Variants in CAPN2 observed in about 807,000 individuals in gnomAD.
The protein encoded by CAPN2 is calpain-2 catalytic subunit.
In CAPN2, 92 loss-of-function variants were observed where a neutral mutation model predicts 102.3. That is an observed-to-expected ratio of 0.90 (90% CI 0.76 to 1.07). The LOEUF is 1.07. Among genes scored for constraint, CAPN2 ranks in the 50% least tolerant of loss-of-function variants. The pLI is 0.00. For missense variants in CAPN2, 800 were observed against 909.4 expected (o/e 0.88, Z 1.55); for synonymous variants, 340 against 355.4 (o/e 0.96, Z 0.49).
At chr1:223,709,073 C>A (rs1416322798), upstream of CAPN2, among the ~76,000 whole-genome samples, 1 of 151,996 alleles carries the variant, frequency 6.6e-6, no homozygotes, top group African/African-American at 2.4e-5. Flanking sequence ...TGGGAGCTGA[C>A]AGGAAAAGGG....
chr1:223,750,896 A>G lies in CAPN2; in HGVS notation c.820A>G (p.Ser274Gly). 1 of 1,552,048 alleles carries G rather than the reference A, an allele frequency of 6.4e-7. No homozygotes were observed. The highest frequency in any genetic ancestry group is 8.7e-7 in the Non-Finnish European group (1 of 1,147,104). ...CTTTTATCTAATCCTGCAGGTTGAA[A>G]GTAACGGAAGCCTACAGAAACTGAT... is the stretch of plus-strand genomic sequence containing the variant. ...YSVTGAEEVE[S>G]NGSLQKLIRI... is the part of the protein sequence containing the mutation. Residue 274 changes from serine to glycine, a missense_variant, in exon 7 of 21, where the codon AGT becomes GGT. By Grantham distance (56) the Ser-to-Gly change is moderately conservative. Transcript: ENST00000295006.
intron 12 of CAPN2, among the ~76,000 whole-genome samples, chr1:223,760,995 G>T (rs1661169989): frequency 6.6e-6 from 1 of 152,192 alleles, no homozygotes; most frequent in African/African-American, 2.4e-5. Flanking sequence ...CACAGGGGCG[G>T]TGCACAGTAT....
intron 2 of CAPN2, among the ~76,000 whole-genome samples, chr1:223,737,256 G>T (rs1376418070): frequency 6.6e-6 from 1 of 152,138 alleles, no homozygotes; most frequent in East Asian, 1.9e-4. Context: ...TGTGCCAGTT[G>T]AGTGTCTTCC....
chr1:223,770,044 G>A (rs777510860), intron 17 of CAPN2, 135 bp downstream of exon 17: 7 of 797,828 alleles, frequency 8.8e-6, no homozygotes, highest in Non-Finnish European at 1.5e-5. Context: ...GAAGCTCAGA[G>A]TGAGTAAAGA....
At position 223,749,004 on chromosome 1, in the gene CAPN2, G is replaced by A. The variant is rs368131599; in HGVS notation, c.730-35G>A. On this transcript the variant is annotated intron_variant, in intron 5 of 20. Transcript: ENST00000295006. ...AGGGAGTCCGGGAGGAAGGGAGAGCGGGTGCGGCCAGTCTGACGGTTGCTG... is the reference window on the plus strand; with the variant it reads ...AGGGAGTCCGGGAGGAAGGGAGAGCAGGTGCGGCCAGTCTGACGGTTGCTG... 3.2e-6 allele frequency: 5 copies of A among 1,581,022 alleles called. No individual in the cohort carries two copies. The African/African-American group carries it at 5.4e-5, about 17-fold the overall frequency.
chr1:223,707,310 C>T (rs565627953), intron 1 of CAPN2, among the ~76,000 whole-genome samples: 2 of 152,136 alleles, frequency 1.3e-5, no homozygotes, highest in African/African-American at 2.4e-5. Flanking sequence ...CATTTACTCA[C>T]AAGGTCAGTG....
At chr1:223,774,259 A>G (rs978379814) in intron 20 of CAPN2, among the ~76,000 whole-genome samples, 1 of 149,408 alleles carries the variant, frequency 6.7e-6, no homozygotes, top group Non-Finnish European at 1.5e-5. Context: ...TGCCACTCCT[A>G]AGCCTTACCT....
intron 2 of CAPN2, among the ~76,000 whole-genome samples, chr1:223,720,364 G>C (rs575601231): frequency 7.9e-6 from 1 of 127,012 alleles, no homozygotes; most frequent in African/African-American, 3.1e-5. Flanking sequence ...CCCCAGGGCT[G>C]GAGTGCACTG....
chr1:223,712,655 G>A lies in CAPN2; in HGVS notation c.15G>A (p.Ala5=). MAGI[A]AKLAKDREAA... ...GGGACCGCAGCATGGCGGGCATCGC[G>A]GCCAAGCTGGCGAAGGACCGGGAGG... The change falls in exon 1 of 21, where the codon GCG becomes GCA. Residue 5 remains alanine (A), a synonymous_variant. Transcript: ENST00000295006. 6.5e-7 allele frequency: 1 copy of A among 1,533,954 alleles called. No homozygotes were observed. Among genetic ancestry groups the A allele is most frequent in the East Asian group, 2.6e-5 (1 of 38,264 alleles).
chr1:223,724,891 T>C (rs1001299099), intron 2 of CAPN2, among the ~76,000 whole-genome samples: 1 of 152,212 alleles, frequency 6.6e-6, no homozygotes, highest in Non-Finnish European at 1.5e-5. Context: ...GAGGATCACT[T>C]TGAGCCCAGG....
chr1:223,773,374 T>C (rs1661530874), intron 20 of CAPN2: 1 of 152,146 alleles, frequency 6.6e-6, no homozygotes, highest in African/African-American at 2.4e-5. Flanking sequence ...CTGGCCAACA[T>C]GGTGAAACCG....
intron 13 of CAPN2, 63 bp from the exon 14 acceptor site, chr1:223,762,123 G>A (rs1210661923): frequency 4.1e-5 from 58 of 1,408,774 alleles, no homozygotes; most frequent in East Asian, 3.4e-4. Context: ...ATGGAAGGGC[G>A]GGCAGACACT....
rs1279553846 is a variant in CAPN2 at position 223,712,699 on chromosome 1, C to T, written c.59C>T (p.Ser20Phe). 1.9e-6 allele frequency: 3 copies of T among 1,576,382 alleles called. No individual in the cohort carries two copies. The highest frequency in any genetic ancestry group is 1.2e-5 in the South Asian group (1 of 85,404). Residue 20 changes from serine (S) to phenylalanine (F), a missense_variant, in exon 1 of 21, where the codon TCC becomes TTC. Ser to Phe is a radical substitution (Grantham distance 155, BLOSUM62 -2). Transcript: ENST00000295006. ...KDREAAEGLG[S>F]HDRAIKYLNQ... ...CGGGAGGCGGCCGAGGGGCTGGGCT[C>T]CCACGACAGGGCCATCAAGTACCTC...
intron 2 of CAPN2, among the ~76,000 whole-genome samples, chr1:223,722,643 A>C (rs1439263944): frequency 6.6e-6 from 1 of 152,150 alleles, no homozygotes; most frequent in Non-Finnish European, 1.5e-5. Flanking sequence ...GGTACCTTTA[A>C]AAATGTTAAT....
At chr1:223,753,342 G>A (rs114885679) in intron 9 of CAPN2, among the ~76,000 whole-genome samples, 1,846 of 152,280 alleles carry the variant, frequency 0.012, 38 homozygotes, top group African/African-American at 0.042. Flanking sequence ...CCAGGCAGCC[G>A]AGCCTACAAG....
At chr1:223,722,657 C>CT (rs1234170870) in intron 2 of CAPN2, among the ~76,000 whole-genome samples, 3 of 151,758 alleles carry the variant, frequency 2.0e-5, no homozygotes, top group Admixed American at 1.3e-4. Context: ...TGTTAATAGA[C>CT]TTTTTTTTAA....
At chr1:223,753,303 G>A (rs1248289428) in intron 9 of CAPN2, among the ~76,000 whole-genome samples, 2 of 152,108 alleles carry the variant, frequency 1.3e-5, no homozygotes, top group East Asian at 3.8e-4. Flanking sequence ...CCCACTTCAC[G>A]GCCATGAGCT....
At chr1:223,718,254 A>T (rs988887872) in intron 2 of CAPN2, among the ~76,000 whole-genome samples, 2 of 152,240 alleles carry the variant, frequency 1.3e-5, no homozygotes, top group African/African-American at 4.8e-5. Flanking sequence ...GGAACCAGGG[A>T]AGGTGACTCA....
chr1:223,743,008 G>A (rs1244418100), intron 2 of CAPN2, among the ~76,000 whole-genome samples: 3 of 152,168 alleles, frequency 2.0e-5, no homozygotes, highest in African/African-American at 7.2e-5. Context: ...TTGTGGTGAA[G>A]ATGACCCCTC....
Sources: allele counts gnomAD v4.1 joint callset (sites outside exome capture counted in the v4.1 genomes callset), GRCh38; gene constraint gnomAD v4.1.1; transcripts MANE v1.5; gene names NCBI Gene and HGNC (gene_info 2026-07-23, HGNC 2026-07-21).